The following KCNS3 variants were observed in gnomAD, a reference collection of about 807,000 sequenced individuals.
KCNS3 encodes the protein potassium voltage-gated channel modifier subfamily S member 3.
In KCNS3, 13 loss-of-function variants were observed where a neutral mutation model predicts 31.0. That is an observed-to-expected ratio of 0.42 (90% confidence interval 0.27 to 0.67). The LOEUF is 0.67. KCNS3 is among the 30% of genes least tolerant of loss of function. The pLI, the probability that KCNS3 is intolerant of heterozygous loss-of-function variation, is 0.25. For missense variants in KCNS3, 545 were observed against 622.4 expected (o/e 0.88, Z 1.32); for synonymous variants, 238 against 241.5 (o/e 0.99, Z 0.13).
chr2:17,902,746 G>A (rs1043746196), intron 1 of KCNS3, among the ~76,000 whole-genome samples: 7 of 152,188 alleles, frequency 4.6e-5, no homozygotes, highest in Non-Finnish European at 8.8e-5. Flanking sequence ...ACTTACTCAT[G>A]AGTGTGTGCA....
intron 1 of KCNS3, among the ~76,000 whole-genome samples, chr2:17,914,265 G>A (rs185167195): frequency 9.8e-5 from 15 of 152,302 alleles, no homozygotes; most frequent in Non-Finnish European, 1.9e-4. Context: ...TGTGTTGGCC[G>A]CATAGCTCGT....
At chr2:17,921,834 G>A (rs145520727) in intron 2 of KCNS3, among the ~76,000 whole-genome samples, 2,546 of 149,098 alleles carry the variant, frequency 0.017, 67 homozygotes, top group African/African-American at 0.059. Flanking sequence ...ACAATTTGAC[G>A]TGAGATTTGG....
intron 1 of KCNS3, among the ~76,000 whole-genome samples, chr2:17,893,364 G>C (rs1016328300): frequency 6.6e-6 from 1 of 152,196 alleles, no homozygotes; most frequent in Admixed American, 6.5e-5. Flanking sequence ...AGAAAGAAAG[G>C]GCTTTAATTC....
At chr2:17,917,169 A>G (rs925466981) in intron 1 of KCNS3, among the ~76,000 whole-genome samples, 4 of 152,218 alleles carry the variant, frequency 2.6e-5, no homozygotes, top group Non-Finnish European at 5.9e-5. Context: ...AAATATAATA[A>G]TGGGCAAATA....
chr2:17,888,409 C>T (rs1661741956), intron 1 of KCNS3, among the ~76,000 whole-genome samples: 1 of 151,408 alleles, frequency 6.6e-6, no homozygotes, highest in African/African-American at 2.4e-5. Context: ...GATGAGGATC[C>T]AATTTCATTC....
rs1266321339 is a variant in KCNS3 at position 17,932,496 on chromosome 2, T to A, written c.*12T>A. ...GCACAGCAAAATGAGCGGGGGTGTT[T>A]GTGCCTGTTTCTCTTATCCTTTCCC... On this transcript the variant is annotated 3_prime_UTR_variant, in exon 3 of 3. Coordinates refer to ENST00000304101, the MANE Select transcript of KCNS3 (RefSeq NM_002252.5). 1 of 1,595,812 alleles carries A rather than the reference T, an allele frequency of 6.3e-7. No homozygotes were observed. The highest frequency in any genetic ancestry group is 8.5e-7 in the Non-Finnish European group (1 of 1,171,622).
At chr2:17,906,632 A>C (rs1419089076) in intron 1 of KCNS3, among the ~76,000 whole-genome samples, 1 of 151,688 alleles carries the variant, frequency 6.6e-6, no homozygotes, top group Non-Finnish European at 1.5e-5. Context: ...ACTGCTTTAA[A>C]TGTCCCAGAG....
intron 1 of KCNS3, among the ~76,000 whole-genome samples, chr2:17,882,331 G>A (rs1674662247): frequency 6.6e-6 from 1 of 152,212 alleles, no homozygotes; most frequent in South Asian, 2.1e-4. Flanking sequence ...TCTCATTCCA[G>A]TCCTCAGAGC....
intron 1 of KCNS3, among the ~76,000 whole-genome samples, chr2:17,891,003 TC>T: frequency 6.6e-6 from 1 of 152,312 alleles, no homozygotes; most frequent in Middle Eastern, 3.4e-3. Flanking sequence ...TGATGACCTG[TC>T]TAGTGTTGTC....
chr2:17,923,112 G>A (rs1414935033), intron 2 of KCNS3, among the ~76,000 whole-genome samples: 2 of 152,034 alleles, frequency 1.3e-5, no homozygotes, highest in Non-Finnish European at 2.9e-5. Flanking sequence ...AACACCTGAT[G>A]TATCATAATA....
At chr2:17,893,940 G>T (rs79660048) in intron 1 of KCNS3, among the ~76,000 whole-genome samples, 14 of 98,902 alleles carry the variant, frequency 1.4e-4, no homozygotes, top group South Asian at 4.1e-4. Flanking sequence ...CCAGGAGCCA[G>T]TTTTTTTTTT....
At chr2:17,889,587 A>C (rs760018835) in intron 1 of KCNS3, among the ~76,000 whole-genome samples, 4 of 152,060 alleles carry the variant, frequency 2.6e-5, no homozygotes, top group Non-Finnish European at 4.4e-5. Context: ...CTTTTATTAC[A>C]TTAAGGTATG....
At chr2:17,922,234 C>T (rs2125251379) in intron 2 of KCNS3, among the ~76,000 whole-genome samples, 1 of 151,892 alleles carries the variant, frequency 6.6e-6, no homozygotes, top group Non-Finnish European at 1.5e-5. Context: ...TGAAATTCCC[C>T]ATCAGCTTTT....
intron 1 of KCNS3, among the ~76,000 whole-genome samples, chr2:17,888,024 T>C (rs1297057145): frequency 6.7e-6 from 1 of 150,038 alleles, no homozygotes; most frequent in Non-Finnish European, 1.5e-5. Flanking sequence ...TGGGATTTTT[T>C]GTTTTTTTTG....
At chr2:17,888,630 T>A (rs1661753956) in intron 1 of KCNS3, among the ~76,000 whole-genome samples, 1 of 7,934 alleles carries the variant, frequency 1.3e-4, no homozygotes, top group Non-Finnish European at 3.1e-4. Flanking sequence ...AAAAAAAATG[T>A]ATATATATAT....
intron 1 of KCNS3, among the ~76,000 whole-genome samples, chr2:17,892,722 C>T (rs1661888892): frequency 6.6e-6 from 1 of 152,132 alleles, no homozygotes; most frequent in Admixed American, 6.5e-5. Flanking sequence ...TCTAGCCACC[C>T]AGCGAGTCTG....
At chr2:17,892,786 C>T (rs1661890629) in intron 1 of KCNS3, among the ~76,000 whole-genome samples, 1 of 152,198 alleles carries the variant, frequency 6.6e-6, no homozygotes, top group Non-Finnish European at 1.5e-5. Flanking sequence ...GTGATATGAA[C>T]TGTCTATGGG....
chr2:17,906,777 G>A (rs987614801), intron 1 of KCNS3, among the ~76,000 whole-genome samples: 31 of 152,186 alleles, frequency 2.0e-4, no homozygotes, highest in African/African-American at 7.0e-4. Context: ...TTTTGAGTGA[G>A]TTTCTTAATC....
intron 1 of KCNS3, among the ~76,000 whole-genome samples, chr2:17,899,996 G>A (rs1346241982): frequency 1.3e-5 from 2 of 152,154 alleles, no homozygotes; most frequent in Non-Finnish European, 2.9e-5. Context: ...CAAAGAGTAC[G>A]ATGTGCCTCC....
Sources: allele counts gnomAD v4.1 joint callset (sites outside exome capture counted in the v4.1 genomes callset), GRCh38; gene constraint gnomAD v4.1.1; transcripts MANE v1.5; gene names NCBI Gene and HGNC (gene_info 2026-07-23, HGNC 2026-07-21).